The following GRIK4 variants were observed in gnomAD, a reference collection of about 807,000 sequenced individuals.
GRIK4 encodes glutamate ionotropic receptor kainate type subunit 4, also known as glutamate receptor ionotropic, kainate 4.
A neutral mutation model predicts 104.9 loss-of-function variants in GRIK4; 40 were observed. The ratio of observed to expected loss-of-function variants is 0.38; its 90% CI spans 0.30 to 0.50. The LOEUF is 0.50. GRIK4 is among the 20% of genes least tolerant of loss of function. GRIK4 has a pLI of 0.93. For missense variants in GRIK4, 1,047 were observed against 1,308.1 expected, an observed-to-expected ratio of 0.80 and a Z score of 3.08; for synonymous variants, 485 against 524.9, an observed-to-expected ratio of 0.92 and a Z score of 1.04.
chr11:120,883,781 T>G (rs1191529575), intron 11 of GRIK4, among the ~76,000 whole-genome samples: 3 of 152,266 alleles, frequency 2.0e-5, no homozygotes, highest in Non-Finnish European at 2.9e-5. Context: ...GCATTTTAAA[T>G]GTATTTCTTA....
intron 4 of GRIK4, among the ~76,000 whole-genome samples, chr11:120,804,423 A>C (rs1330017743): frequency 6.6e-6 from 1 of 152,194 alleles, no homozygotes; most frequent in Non-Finnish European, 1.5e-5. Context: ...CGATGCAGGC[A>C]GTGGCTCTGG....
chr11:120,629,010 C>T (rs1309772025), intron 1 of GRIK4, among the ~76,000 whole-genome samples: 5 of 152,154 alleles, frequency 3.3e-5, no homozygotes, highest in South Asian at 2.1e-4. Flanking sequence ...AAATCACCAC[C>T]GAGCAAGGCG....
At chr11:120,984,018 C>T (rs953505659) in intron 20 of GRIK4, among the ~76,000 whole-genome samples, 2 of 151,976 alleles carry the variant, frequency 1.3e-5, no homozygotes, top group African/African-American at 4.8e-5. Context: ...GTGATGGGGG[C>T]CTATAATCCA....
chr11:120,511,803 G>T lies in GRIK4; in HGVS notation c.-243G>T. The T allele has an allele frequency of 2.8e-6, 1 of 361,966 alleles. No homozygotes were observed. Among genetic ancestry groups the T allele is most frequent in the Non-Finnish European group, 5.6e-6 (1 of 178,988 alleles). 22.4% of individuals were successfully genotyped at this position (361,966 alleles called of 1,614,324 possible). A position where few individuals can be genotyped will look rare whatever the true frequency, so the allele number is the denominator to read the frequency against. On this transcript the variant is annotated 5_prime_UTR_variant, in exon 1 of 21. Transcript: ENST00000527524. ...TGGAGCCGCCACGGCTGCTGCGGAA[G>T]AGGAAAAACGGCCAACAGCAGCCCC...
intron 5 of GRIK4, among the ~76,000 whole-genome samples, chr11:120,818,085 T>C (rs1457705894): frequency 6.6e-6 from 1 of 152,200 alleles, no homozygotes; most frequent in Non-Finnish European, 1.5e-5. Context: ...CCAAAACCCA[T>C]TTGTTCTTCA....
chr11:120,725,819 C>T (rs1951019271), intron 3 of GRIK4, among the ~76,000 whole-genome samples: 2 of 152,076 alleles, frequency 1.3e-5, no homozygotes, highest in African/African-American at 2.4e-5. Flanking sequence ...TTTGGAAATA[C>T]ATTTGGCAGG....
At chr11:120,708,867 T>A (rs926435336) in intron 3 of GRIK4, among the ~76,000 whole-genome samples, 1 of 152,120 alleles carries the variant, frequency 6.6e-6, no homozygotes, top group Admixed American at 6.5e-5. Context: ...CCTCCCGTGC[T>A]GTTGGAGGTT....
At chr11:120,887,650 G>C (rs1448870624) in intron 11 of GRIK4, among the ~76,000 whole-genome samples, 2 of 152,308 alleles carry the variant, frequency 1.3e-5, no homozygotes, top group East Asian at 3.9e-4. Context: ...ATTTATTCAC[G>C]CATCCAGCCA....
intron 3 of GRIK4, among the ~76,000 whole-genome samples, 153 bp downstream of exon 3, chr11:120,660,553 G>A (rs1043088053): frequency 1.3e-5 from 2 of 152,178 alleles, no homozygotes; most frequent in Admixed American, 6.5e-5. Context: ...AGGTGGTGGT[G>A]GTGGAGGCAG....
intron 1 of GRIK4, among the ~76,000 whole-genome samples, chr11:120,545,049 T>C (rs1565544760): frequency 6.6e-6 from 1 of 152,134 alleles, no homozygotes. Context: ...CGCAGCTGAC[T>C]GAAGGCCTCA....
intron 3 of GRIK4, among the ~76,000 whole-genome samples, chr11:120,731,156 A>G (rs1461174912): frequency 6.6e-6 from 1 of 152,030 alleles, no homozygotes; most frequent in Non-Finnish European, 1.5e-5. Flanking sequence ...CTTAAAGGAA[A>G]GGCTTTCAGT....
At chr11:120,842,486 T>A (rs879280409) in intron 8 of GRIK4, among the ~76,000 whole-genome samples, 1 of 152,186 alleles carries the variant, frequency 6.6e-6, no homozygotes, top group Non-Finnish European at 1.5e-5. Context: ...AGTTTAATGA[T>A]CACAAAGCAA....
At chr11:120,789,169 C>G (rs1952346873) in intron 3 of GRIK4, among the ~76,000 whole-genome samples, 1 of 152,150 alleles carries the variant, frequency 6.6e-6, no homozygotes, top group Admixed American at 6.5e-5. Context: ...CTCCGTGTCT[C>G]CAGCCTGGAT....
intron 7 of GRIK4, among the ~76,000 whole-genome samples, chr11:120,835,742 A>G (rs1032739294): frequency 3.3e-5 from 5 of 152,316 alleles, no homozygotes; most frequent in African/African-American, 1.2e-4. Flanking sequence ...GAGGGTCCCC[A>G]GAGAGAACGG....
chr11:120,787,995 A>T (rs1952323361), intron 3 of GRIK4, among the ~76,000 whole-genome samples: 1 of 147,566 alleles, frequency 6.8e-6, no homozygotes, highest in Non-Finnish European at 1.5e-5. Context: ...CCTCCCTAGT[A>T]GCTGAGACTG....
intron 13 of GRIK4, among the ~76,000 whole-genome samples, chr11:120,932,698 G>A (rs527849229): frequency 2.1e-3 from 317 of 152,276 alleles, no homozygotes; most frequent in African/African-American, 6.9e-3. Context: ...AAAGCTTTCC[G>A]GAGTTAAGTA....
intron 1 of GRIK4, among the ~76,000 whole-genome samples, chr11:120,617,443 G>A (rs760058514): frequency 5.3e-5 from 8 of 152,110 alleles, no homozygotes; most frequent in Admixed American, 2.6e-4. Context: ...GCAATGGCAC[G>A]ATCTCAGCTC....
chr11:120,632,420 C>T (rs1170745302), intron 1 of GRIK4, among the ~76,000 whole-genome samples: 1 of 152,060 alleles, frequency 6.6e-6, no homozygotes, highest in Admixed American at 6.5e-5. Context: ...GGGTGGGGTT[C>T]TGCTTCCATG....
intron 1 of GRIK4, among the ~76,000 whole-genome samples, chr11:120,575,423 G>A (rs1342525526): frequency 6.6e-6 from 1 of 151,990 alleles, no homozygotes; most frequent in Non-Finnish European, 1.5e-5. Flanking sequence ...TCCCTCTGGC[G>A]CACGGGTCCT....
Sources: gnomAD v4.1 joint callset for allele counts (sites outside exome capture counted in the v4.1 genomes callset) on GRCh38, gnomAD v4.1.1 for gene constraint, MANE v1.5 for transcripts, NCBI Gene and HGNC (gene_info 2026-07-23, HGNC 2026-07-21) for gene names.